The following TXNDC16 variants were observed in gnomAD, a reference collection of about 807,000 sequenced individuals.
The protein encoded by TXNDC16 is thioredoxin domain containing 16, also known as thioredoxin domain-containing protein 16.
TXNDC16 carries 74 observed loss-of-function variants against 85.6 expected under a neutral mutation model. That is an observed-to-expected ratio of 0.86 (90% CI 0.72 to 1.05). The LOEUF is 1.05. Ranked by LOEUF, TXNDC16 falls within the 50% of genes least tolerant of loss-of-function variation. The pLI, the probability that TXNDC16 is intolerant of heterozygous loss-of-function variation, is 0.00. For missense variants in TXNDC16, 959 were observed against 947.0 expected (o/e 1.01, Z -0.17); for synonymous variants, 335 against 326.5 (o/e 1.03, Z -0.28).
Position 52,431,427 on chromosome 14 carries a change from T to A in TXNDC16, c.*877A>T, listed in dbSNP as rs573607123. The A allele has an allele frequency of 6.6e-6, 1 of 152,334 alleles. No homozygotes were observed. The highest frequency in any genetic ancestry group is 2.1e-4 in the South Asian group (1 of 4,828). The allele number at this position is 152,334 out of a possible 1,614,324, so 9.4% of individuals were successfully genotyped here. On this transcript the variant is annotated 3_prime_UTR_variant, in exon 21 of 21. Transcript: ENST00000281741. ...GTTATCCCATCACTTTCTGAAAATA[T>A]TAGAAAAGATCAAGTTGTATCCAGG...
chr14:52,476,136 C>T (rs192208622), intron 14 of TXNDC16, among the ~76,000 whole-genome samples: 3 of 152,216 alleles, frequency 2.0e-5, no homozygotes, highest in Non-Finnish European at 2.9e-5. Context: ...GGAAAGAGTA[C>T]TACATCAAGG....
At chr14:52,449,573 T>C (rs764127743) in intron 18 of TXNDC16, among the ~76,000 whole-genome samples, 11 of 152,058 alleles carry the variant, frequency 7.2e-5, no homozygotes, top group Admixed American at 5.2e-4. Context: ...AAACCTCAGA[T>C]TTAATCTGCA....
chr14:52,546,803 C>T (rs1260410400), intron 1 of TXNDC16, among the ~76,000 whole-genome samples: 16 of 152,194 alleles, frequency 1.1e-4, no homozygotes, highest in Non-Finnish European at 4.4e-5. Context: ...TTAACGAAAA[C>T]TCCAAAACAC....
chr14:52,453,887 A>C (rs900506572), intron 18 of TXNDC16, among the ~76,000 whole-genome samples: 2 of 152,202 alleles, frequency 1.3e-5, no homozygotes, highest in East Asian at 3.8e-4. Flanking sequence ...AGCCTTTTTA[A>C]CTGGAAATGG....
At chr14:52,450,191 A>G (rs1006505664) in intron 18 of TXNDC16, among the ~76,000 whole-genome samples, 3 of 152,096 alleles carry the variant, frequency 2.0e-5, no homozygotes, top group African/African-American at 7.2e-5. Context: ...ACCCTTAGTC[A>G]GACTAGCTAG....
intron 9 of TXNDC16, among the ~76,000 whole-genome samples, chr14:52,502,797 C>T (rs1454718186): frequency 6.6e-6 from 1 of 152,188 alleles, no homozygotes; most frequent in Non-Finnish European, 1.5e-5. Context: ...CCAGGAAGTG[C>T]AAGGGGTCAG....
chr14:52,476,613 G>C (rs541606864), intron 14 of TXNDC16, among the ~76,000 whole-genome samples: 1 of 151,932 alleles, frequency 6.6e-6, no homozygotes, highest in Admixed American at 6.6e-5. Flanking sequence ...CAAGGTCTTC[G>C]AATTAACCCA....
At chr14:52,484,975 T>G (rs553427614) in intron 12 of TXNDC16, among the ~76,000 whole-genome samples, 1 of 152,344 alleles carries the variant, frequency 6.6e-6, no homozygotes, top group South Asian at 2.1e-4. Context: ...TTTATATATT[T>G]ACTATACTCA....
intron 18 of TXNDC16, among the ~76,000 whole-genome samples, chr14:52,448,659 C>T (rs992178184): frequency 2.0e-5 from 3 of 152,058 alleles, no homozygotes; most frequent in African/African-American, 4.8e-5. Flanking sequence ...CTTAACTGTG[C>T]TGTGTAACCT....
At chr14:52,547,011 T>G (rs183607429) in intron 1 of TXNDC16, among the ~76,000 whole-genome samples, 61 of 152,348 alleles carry the variant, frequency 4.0e-4, no homozygotes, top group African/African-American at 1.5e-3. Context: ...TATTTATAGC[T>G]CTAAAAGAAG....
intron 6 of TXNDC16, among the ~76,000 whole-genome samples, chr14:52,521,452 C>T (rs951818348): frequency 1.3e-5 from 2 of 151,978 alleles, no homozygotes; most frequent in South Asian, 2.1e-4. Flanking sequence ...ATCTTTAATT[C>T]GGACTAAATA....
intron 14 of TXNDC16, among the ~76,000 whole-genome samples, chr14:52,473,749 G>A (rs1029085926): frequency 2.0e-5 from 3 of 152,278 alleles, no homozygotes; most frequent in Middle Eastern, 3.4e-3. Context: ...CAGGTATTAT[G>A]TAAGTATAAA....
chr14:52,490,030 T>C (rs1441704114), intron 11 of TXNDC16, among the ~76,000 whole-genome samples: 2 of 152,100 alleles, frequency 1.3e-5, no homozygotes, highest in Non-Finnish European at 2.9e-5. Flanking sequence ...GATCTCCCGA[T>C]GTTGCCTAGG....
At chr14:52,456,262 C>A (rs1229899861) in intron 17 of TXNDC16, among the ~76,000 whole-genome samples, 2 of 152,148 alleles carry the variant, frequency 1.3e-5, no homozygotes, top group Non-Finnish European at 2.9e-5. Flanking sequence ...ACAAAACACA[C>A]TCTGAAAACT....
intron 16 of TXNDC16, among the ~76,000 whole-genome samples, chr14:52,464,424 G>A (rs1344984777): frequency 6.6e-6 from 1 of 152,032 alleles, no homozygotes; most frequent in Non-Finnish European, 1.5e-5. Context: ...TATCCTATTT[G>A]TGCTTTTTAT....
At chr14:52,548,844 T>C (rs914572561) in intron 1 of TXNDC16, among the ~76,000 whole-genome samples, 3 of 152,120 alleles carry the variant, frequency 2.0e-5, no homozygotes, top group African/African-American at 7.2e-5. Flanking sequence ...ATCACACCAT[T>C]GCACTCCAGC....
chr14:52,522,912 T>C (rs991207666), intron 6 of TXNDC16, among the ~76,000 whole-genome samples: 2 of 152,192 alleles, frequency 1.3e-5, no homozygotes, highest in African/African-American at 4.8e-5. Context: ...TAAAGATAAG[T>C]TCATGGGGCT....
chr14:52,482,757 C>A (rs2036178351), intron 13 of TXNDC16, 65 bp downstream of exon 13: 2 of 1,465,478 alleles, frequency 1.4e-6, no homozygotes, highest in Non-Finnish European at 1.8e-6. Flanking sequence ...CATGGAATGC[C>A]AAAAATTAAA....
chr14:52,540,169 T>C (rs1476002467), intron 4 of TXNDC16, among the ~76,000 whole-genome samples: 1 of 152,222 alleles, frequency 6.6e-6, no homozygotes, highest in Non-Finnish European at 1.5e-5. Flanking sequence ...TTGACATTCA[T>C]TGTCTTGACT....
Sources: allele counts gnomAD v4.1 joint callset (sites outside exome capture counted in the v4.1 genomes callset), GRCh38; gene constraint gnomAD v4.1.1; transcripts MANE v1.5; gene names NCBI Gene and HGNC (gene_info 2026-07-23, HGNC 2026-07-21).